Variants in STRIP1 observed in about 807,000 individuals in gnomAD.
STRIP1 encodes the protein striatin-interacting protein 1.
In STRIP1, 63 loss-of-function variants were observed where a neutral mutation model predicts 106.2. The ratio of observed to expected loss-of-function variants is 0.59; its 90% CI spans 0.48 to 0.73. STRIP1 has a LOEUF of 0.73. Among genes scored for constraint, STRIP1 ranks in the 30% least tolerant of loss-of-function variants. The pLI is 0.00. For synonymous variants in STRIP1, 390 were observed against 413.0 expected (o/e 0.94, Z 0.67); for missense variants, 857 against 1,074.8 (o/e 0.80, Z 2.83).
At chr1:110,043,022 C>A in intron 8 of STRIP1, 66 bp from the exon 9 acceptor site, 1 of 1,468,584 alleles carries the variant, frequency 6.8e-7, no homozygotes, top group Non-Finnish European at 9.2e-7. Context: ...CTGAGCCTGA[C>A]ACAATGGTCA....
Position 110,043,159 on chromosome 1 carries a change from G to T in STRIP1, c.957G>T (p.Pro319=). Reference sequence around the variant, plus strand: ...AGCGCAGCATCCTGGGCCTCCCCCCGCTTCCTGAGGACAGCATCAAAGTGA... The same window carrying T: ...AGCGCAGCATCCTGGGCCTCCCCCCTCTTCCTGAGGACAGCATCAAAGTGA... ...AEKRSILGLP[P]LPEDSIKVIR... The change falls in exon 9 of 21, where the codon CCG becomes CCT. Residue 319 remains proline (P), a synonymous_variant. Coordinates refer to ENST00000369795, the MANE Select transcript of STRIP1 (RefSeq NM_033088.4). 6.2e-7 allele frequency: 1 copy of T among 1,614,022 alleles called. No individual in the cohort carries two copies. The highest frequency in any genetic ancestry group is 8.5e-7 in the Non-Finnish European group (1 of 1,180,038).
intron 15 of STRIP1, among the ~76,000 whole-genome samples, chr1:110,048,707 A>G (rs1653149540): frequency 6.6e-6 from 1 of 152,276 alleles, no homozygotes; most frequent in African/African-American, 2.4e-5. Context: ...AATGTAACTC[A>G]GTGCTTCCTA....
chr1:110,043,945 T>A, intron 10 of STRIP1, 89 bp downstream of exon 10: 1 of 1,238,708 alleles, frequency 8.1e-7, no homozygotes, highest in Non-Finnish European at 1.2e-6. Context: ...TCACCATGTG[T>A]GGTCCTCTGC....
At position 110,043,193 on chromosome 1, in the gene STRIP1, A is replaced by T; in HGVS notation, c.991A>T (p.Met331Leu). The change falls in exon 9 of 21, where the codon ATG (methionine) becomes TTG (leucine). Residue 331 changes from methionine to leucine, a missense_variant. By Grantham distance (15) the Met-to-Leu change is conservative. This residue lies in a region of STRIP1 where 750 missense variants were observed against 989.8 expected (regional missense o/e 0.76). Transcript: ENST00000369795. ...GGACAGCATCAAAGTGATTCGCAAC[A>T]TGAGAGCAGCCTCTCCACCAGCATC... ...PEDSIKVIRN[M>L]RAASPPASAS... The T allele has an allele frequency of 6.2e-7, 1 of 1,613,988 alleles. No individual in the cohort carries two copies. Among genetic ancestry groups the T allele is most frequent in the African/African-American group, 1.3e-5 (1 of 75,058 alleles).
rs187772610 is a variant in STRIP1 at position 110,039,023 on chromosome 1, A to G, written c.326-149A>G. On this transcript the variant is annotated intron_variant, in intron 3 of 20. Transcript: ENST00000369795. Reference sequence around the variant, plus strand: ...AGCGTTTCAGTTTGGAATCAAATTCATAGAGCAGCAGTATGATCTTACCAC... The same window carrying G: ...AGCGTTTCAGTTTGGAATCAAATTCGTAGAGCAGCAGTATGATCTTACCAC... 1.6e-4 allele frequency: 150 copies of G among 933,916 alleles called. No homozygotes were observed. The African/African-American group carries it at 2.2e-3, about 13-fold the overall frequency. The allele number at this position is 933,916 out of a possible 1,614,324, so 57.9% of individuals were successfully genotyped here.
At chr1:110,033,581 G>GC, upstream of STRIP1, among the ~76,000 whole-genome samples, 1 of 152,292 alleles carries the variant, frequency 6.6e-6, no homozygotes, top group Non-Finnish European at 1.5e-5. Flanking sequence ...CGGTGAGAAA[G>GC]CAAGAGCATG....
Position 110,047,526 on chromosome 1 carries a change from C to G in STRIP1, c.1489-16C>G, listed in dbSNP as rs754536689. On this transcript the variant is annotated splice_polypyrimidine_tract_variant and intron_variant, in intron 13 of 20. Coordinates refer to ENST00000369795, the MANE Select transcript of STRIP1 (RefSeq NM_033088.4). ...TCTGGGCTGGGGTTTTATGCTTGTA[C>G]TCATTATGTTAAAAGGGAGAAGAAG... is the stretch of plus-strand genomic sequence containing the variant. 1.9e-6 allele frequency: 3 copies of G among 1,604,222 alleles called. No homozygotes were observed. In the African/African-American group the frequency reaches 4.0e-5, roughly 21 times the overall value.
At chr1:110,041,677 C>T (rs777778292) in intron 7 of STRIP1, 35 bp downstream of exon 7, 2 of 1,614,154 alleles carry the variant, frequency 1.2e-6, no homozygotes, top group South Asian at 1.1e-5. Flanking sequence ...GAGGCCCTGC[C>T]TGGAAGCTGA....
At chr1:110,042,282 T>C (rs1204469909) in intron 8 of STRIP1, among the ~76,000 whole-genome samples, 1 of 152,184 alleles carries the variant, frequency 6.6e-6, no homozygotes, top group Non-Finnish European at 1.5e-5. Flanking sequence ...CAGGGTATGG[T>C]GTCAGCCCGA....
In STRIP1 at chr1:110,049,494, A is replaced by G. The variant is rs1170163599; in HGVS notation, c.1823A>G (p.Asn608Ser). ...EYMAQHLVFA[N>S]CIPLILKFFN... ...ATGGCCCAGCACCTGGTGTTTGCCA[A>G]CTGCATTCCTTTGATCCTAAAGTTC... The change falls in exon 17 of 21, where the codon AAC becomes AGC. Residue 608 changes from asparagine to serine, a missense_variant. By Grantham distance (46) the Asn-to-Ser change is conservative (BLOSUM62 1). This residue lies in a region of STRIP1 where 750 missense variants were observed against 989.8 expected (regional missense o/e 0.76). Coordinates refer to ENST00000369795, the MANE Select transcript of STRIP1 (RefSeq NM_033088.4). 5.6e-6 allele frequency: 9 copies of G among 1,612,800 alleles called. No homozygotes were observed. Among genetic ancestry groups the G allele is most frequent in the Non-Finnish European group, 7.6e-6 (9 of 1,179,834 alleles).
intron 5 of STRIP1, 31 bp downstream of exon 5, chr1:110,039,546 G>A: frequency 6.3e-7 from 1 of 1,577,722 alleles, no homozygotes; most frequent in Non-Finnish European, 8.6e-7. Context: ...GAGTAGGGAA[G>A]GGGAGGCTGG....
chr1:110,051,818 A>G lies in STRIP1; in HGVS notation c.2197A>G (p.Met733Val). Reference protein sequence around the residue: ...YLGRQWRKSNMKTMSAIYQKV... With the variant: ...YLGRQWRKSNVKTMSAIYQKV... ...GGGGCGGCAGTGGCGAAAGAGCAAC[A>G]TGAAGACCATGTCTGCCATCTACCA... Residue 733 changes from methionine (M) to valine (V), a missense_variant, in exon 20 of 21, where the codon ATG (methionine) becomes GTG (valine). Physicochemically the swap from Met to Val is conservative, Grantham distance 21. This residue lies in a region of STRIP1 where 750 missense variants were observed against 989.8 expected (regional missense o/e 0.76). Coordinates refer to ENST00000369795, the MANE Select transcript of STRIP1 (RefSeq NM_033088.4). 1 of 1,613,632 alleles carries G rather than the reference A, an allele frequency of 6.2e-7. No homozygotes were observed. The highest frequency in any genetic ancestry group is 2.2e-5 in the East Asian group (1 of 44,886).
intron 20 of STRIP1, among the ~76,000 whole-genome samples, chr1:110,053,266 C>T (rs1387793881): frequency 2.6e-5 from 4 of 152,240 alleles, no homozygotes; most frequent in African/African-American, 7.2e-5. Flanking sequence ...TGTGTCTGTA[C>T]TCTCAATGCC....
At position 110,048,011 on chromosome 1, in the gene STRIP1, A is replaced by G. The variant is rs1653113870; in HGVS notation, c.1661+142A>G. The G allele has an allele frequency of 4.3e-6, 3 of 698,698 alleles. No individual in the cohort carries two copies. In the South Asian group the frequency reaches 5.4e-5, roughly 13 times the overall value. The allele number at this position is 698,698 out of a possible 1,614,324, so 43.3% of individuals were successfully genotyped here. A position where few individuals can be genotyped will look rare whatever the true frequency, so the allele number is the denominator to read the frequency against. ...ATTTTTGACCCAAAAAAAGGAAACT[A>G]CGAGATTAAAGAGTTTCACTGGTTG... On this transcript the variant is annotated intron_variant, in intron 15 of 20. Transcript: ENST00000369795.
chr1:110,043,889 C>A, intron 10 of STRIP1, 33 bp downstream of exon 10: 1 of 1,594,644 alleles, frequency 6.3e-7, no homozygotes, highest in Non-Finnish European at 8.6e-7. Flanking sequence ...ACTCATAGTT[C>A]CTGAGGCAGA....
rs1388269340 is a variant in STRIP1 at position 110,053,782 on chromosome 1, T to C, written c.2384T>C (p.Val795Ala). 6.2e-7 allele frequency: 1 copy of C among 1,614,164 alleles called. No homozygotes were observed. Among genetic ancestry groups the C allele is most frequent in the Non-Finnish European group, 8.5e-7 (1 of 1,180,032 alleles). The change falls in exon 21 of 21, where the codon GTG becomes GCG. Residue 795 changes from valine (V) to alanine (A), a missense_variant. Physicochemically the swap from Val to Ala is moderately conservative, Grantham distance 64 (BLOSUM62 0). Coordinates refer to ENST00000369795, the MANE Select transcript of STRIP1 (RefSeq NM_033088.4). ...RAHSNPDFLPVDNCLQSVLGQ... is the reference protein window; with the variant it reads ...RAHSNPDFLPADNCLQSVLGQ... The stretch of plus-strand genomic sequence containing the variant: ...CACAGCAACCCTGACTTCCTGCCAG[T>C]GGACAACTGCCTGCAGAGTGTCCTG...
At chr1:110,048,238 C>T (rs1653123582) in intron 15 of STRIP1, 1 of 260,088 alleles carries the variant, frequency 3.8e-6, no homozygotes, top group South Asian at 5.2e-5. Flanking sequence ...TTGCCAGCAA[C>T]AGCTGAACCT....
In STRIP1 at chr1:110,049,549, T is replaced by C; in HGVS notation, c.1878T>C (p.Thr626=). 1 of 1,610,660 alleles carries C rather than the reference T, an allele frequency of 6.2e-7. No homozygotes were observed. Among genetic ancestry groups the C allele is most frequent in the Non-Finnish European group, 8.5e-7 (1 of 1,177,622 alleles). The change falls in exon 17 of 21, where the codon ACT becomes ACC. Residue 626 remains threonine, a synonymous_variant. Transcript: ENST00000369795. ...ATCAAAACATCATGTCCTACATCAC[T>C]GCCAAGAACAGGTGATGAGGGCCAG... is the stretch of plus-strand genomic sequence containing the variant. ...FFNQNIMSYI[T]AKNSISVLDY...
intron 13 of STRIP1, 84 bp from the exon 14 acceptor site, chr1:110,047,458 G>C (rs1653080968): frequency 9.3e-7 from 1 of 1,074,924 alleles, no homozygotes; most frequent in Non-Finnish European, 1.4e-6. Flanking sequence ...CTGTTTACAG[G>C]TTTTCCTCCA....
Sources: gnomAD v4.1 joint callset for allele counts (sites outside exome capture counted in the v4.1 genomes callset) on GRCh38, gnomAD v4.1.1 for gene constraint, gnomAD v4.1.1 regional missense constraint, MANE v1.5 for transcripts, NCBI Gene and HGNC (gene_info 2026-07-23, HGNC 2026-07-21) for gene names.